The following PTCHD1 variants were observed in gnomAD, a reference collection of about 807,000 sequenced individuals.
PTCHD1 encodes the protein patched domain-containing protein 1.
A neutral mutation model predicts 34.6 loss-of-function variants in PTCHD1; 3 were observed. That is an observed-to-expected ratio of 0.09 (90% CI 0.04 to 0.22). The LOEUF is 0.22. Among genes scored for constraint, PTCHD1 ranks in the 10% least tolerant of loss-of-function variants. The probability of loss-of-function intolerance (pLI) is 1.00; values close to 1 mark genes in which losing one functional copy is unlikely to be tolerated. For missense variants in PTCHD1, 504 were observed against 685.5 expected, an observed-to-expected ratio of 0.74 and a Z score of 2.96; for synonymous variants, 305 against 283.1, an observed-to-expected ratio of 1.08 and a Z score of -0.77.
chrX:23,381,552 TCTC>T (rs1922564229), intron 2 of PTCHD1, among the ~76,000 whole-genome samples: 1 of 111,883 alleles, frequency 8.9e-6, no homozygotes, highest in Non-Finnish European at 1.9e-5. Context: ...CCTCAGGAAA[TCTC>T]CGCTGTGTTG....
intron 2 of PTCHD1, 153 bp downstream of exon 2, chrX:23,380,404 T>C (rs1388977563): frequency 3.6e-6 from 2 of 558,159 alleles, no homozygotes; most frequent in Non-Finnish European, 6.1e-6. Flanking sequence ...AAAGTGCTGG[T>C]AATCAGCAAA....
At chrX:23,336,963 A>G (rs984854065) in intron 1 of PTCHD1, among the ~76,000 whole-genome samples, 1 of 110,943 alleles carries the variant, frequency 9.0e-6, no homozygotes, top group African/African-American at 3.3e-5. Context: ...TGACGTTTCC[A>G]TTGCCTTTCC....
intron 2 of PTCHD1, among the ~76,000 whole-genome samples, chrX:23,380,714 G>A (rs1343094311): frequency 1.8e-5 from 2 of 111,505 alleles, no homozygotes; most frequent in East Asian, 2.8e-4. Flanking sequence ...ACATTCTGCC[G>A]GTTGCTGTGG....
Position 23,393,788 on chromosome X carries a change from T to C in PTCHD1, c.2270T>C (p.Leu757Ser). 1.7e-6 allele frequency: 2 copies of C among 1,211,803 alleles called. No individual in the cohort carries two copies. The highest frequency in any genetic ancestry group is 2.2e-6 in the Non-Finnish European group (2 of 895,288). ...CTGGACTGCATTTCTGTGCTATGCT[T>C]AATTTATGGAATTAATTACACAATT... ...VELDCISVLC[L>S]IYGINYTIDN... is the part of the protein sequence containing the mutation. The change falls in exon 3 of 3, where the codon TTA becomes TCA. Residue 757 changes from leucine to serine, a missense_variant. Transcript: ENST00000379361.
intron 2 of PTCHD1, among the ~76,000 whole-genome samples, chrX:23,380,948 T>A (rs772237028): frequency 1.7e-4 from 19 of 111,772 alleles, no homozygotes; most frequent in Middle Eastern, 9.3e-3. Flanking sequence ...TTTGTAGTTA[T>A]AAGCCTTCAG....
At chrX:23,376,310 G>A (rs1922412671) in intron 1 of PTCHD1, among the ~76,000 whole-genome samples, 1 of 111,938 alleles carries the variant, frequency 8.9e-6, no homozygotes, top group Non-Finnish European at 1.9e-5. Flanking sequence ...TTTTTCCTTC[G>A]TTTTCTTTTC....
intron 1 of PTCHD1, among the ~76,000 whole-genome samples, chrX:23,355,895 G>C (rs1921789095): frequency 8.9e-6 from 1 of 112,488 alleles, no homozygotes; most frequent in Non-Finnish European, 1.9e-5. Context: ...GGCTGGAAAA[G>C]CGTTGCTATA....
Position 23,400,131 on chromosome X carries a change from C to G in PTCHD1, c.*5946C>G, listed in dbSNP as rs1424370340. ...TGGAGAGAATAAGTCTCATTCATCT[C>G]GTTAATATTTTTAGTGGGCAAAGAA... On this transcript the variant is annotated 3_prime_UTR_variant, in exon 3 of 3. Transcript: ENST00000379361. 1 of 111,789 alleles carries G rather than the reference C, an allele frequency of 8.9e-6. No individual in the cohort carries two copies. The highest frequency in any genetic ancestry group is 1.9e-5 in the Non-Finnish European group (1 of 53,249). The allele number at this position is 111,789 out of a possible 1,213,427, so 9.2% of individuals were successfully genotyped here. A position where few individuals can be genotyped will look rare whatever the true frequency, so the allele number is the denominator to read the frequency against.
chrX:23,355,561 T>C (rs1425632771), intron 1 of PTCHD1, among the ~76,000 whole-genome samples: 1 of 112,888 alleles, frequency 8.9e-6, no homozygotes, highest in Non-Finnish European at 1.9e-5. Flanking sequence ...TAGTGTGAGA[T>C]AGAAAACATT....
chrX:23,378,070 G>T (rs145858831), intron 1 of PTCHD1, among the ~76,000 whole-genome samples: 3 of 111,911 alleles, frequency 2.7e-5, no homozygotes, highest in Non-Finnish European at 5.6e-5. Context: ...AGTCGTAGAT[G>T]TACTAGTTTA....
chrX:23,388,746 G>A (rs2146648570), intron 2 of PTCHD1, among the ~76,000 whole-genome samples: 1 of 111,563 alleles, frequency 9.0e-6, no homozygotes, highest in African/African-American at 3.3e-5. Context: ...CAGGGGAATC[G>A]CTGGAACCCG....
chrX:23,335,089 A>T lies in PTCHD1; in HGVS notation c.214A>T (p.Ser72Cys). The T allele has an allele frequency of 8.3e-7, 1 of 1,211,248 alleles. No homozygotes were observed. Among genetic ancestry groups the T allele is most frequent in the Non-Finnish European group, 1.1e-6 (1 of 895,150 alleles). Residue 72 changes from serine to cysteine, a missense_variant, in exon 1 of 3, where the codon AGC becomes TGC. Ser to Cys is a moderately radical substitution (Grantham distance 112). Transcript: ENST00000379361. ...LAKIERNLVN[S>C]LFPVNRSKHR... ...CAAGATCGAGCGCAACCTCGTTAAC[A>T]GCCTCTTCCCGGTCAACCGCTCCAA...
intron 1 of PTCHD1, among the ~76,000 whole-genome samples, chrX:23,350,168 T>C (rs1921591037): frequency 9.2e-6 from 1 of 108,615 alleles, no homozygotes; most frequent in Admixed American, 9.9e-5. Flanking sequence ...ATGCACGTTA[T>C]CATAGTAAAA....
Position 23,360,832 on chromosome X carries a change from C to G in PTCHD1, c.352-18759C>G, listed in dbSNP as rs1159964216. On this transcript the variant is annotated intron_variant, in intron 1 of 2. Transcript: ENST00000379361. ...CACCCTACTTTAAATGTGTCCCAGACATTCTGGTTTGTTGTGTCTTTGTTC... is the reference window on the plus strand; with the variant it reads ...CACCCTACTTTAAATGTGTCCCAGAGATTCTGGTTTGTTGTGTCTTTGTTC... Among the ~76,000 whole-genome samples the G allele has an allele frequency of 8.0e-5, 9 of 112,192 alleles. No homozygotes were observed. The Admixed American group carries it at 8.5e-4, about 11-fold the overall frequency.
intron 1 of PTCHD1, among the ~76,000 whole-genome samples, chrX:23,370,446 C>T (rs765472923): frequency 8.9e-6 from 1 of 112,017 alleles, no homozygotes; most frequent in African/African-American, 3.2e-5. Flanking sequence ...CTGAAATGCT[C>T]CTGTGATTTT....
At chrX:23,338,387 T>C (rs6653677) in intron 1 of PTCHD1, among the ~76,000 whole-genome samples, 40 of 112,509 alleles carry the variant, frequency 3.6e-4, no homozygotes, top group African/African-American at 1.2e-3. Flanking sequence ...CTTTTATAGA[T>C]ACGTTTCGTT....
At chrX:23,370,622 C>T (rs1185247118) in intron 1 of PTCHD1, among the ~76,000 whole-genome samples, 1 of 111,838 alleles carries the variant, frequency 8.9e-6, no homozygotes, top group Admixed American at 9.5e-5. Context: ...TTAGGTGGAA[C>T]TTTCTTCTTA....
At chrX:23,388,933 C>T (rs1436603397) in intron 2 of PTCHD1, among the ~76,000 whole-genome samples, 1 of 112,040 alleles carries the variant, frequency 8.9e-6, no homozygotes, top group Non-Finnish European at 1.9e-5. Context: ...TCTATCTTCT[C>T]TGCCTCTCCT....
intron 1 of PTCHD1, among the ~76,000 whole-genome samples, chrX:23,346,221 G>C (rs1170820956): frequency 1.8e-5 from 2 of 112,201 alleles, no homozygotes; most frequent in Non-Finnish European, 3.8e-5. Context: ...CAGTACTGTG[G>C]TTCTGTTAAA....
Sources: allele counts gnomAD v4.1 joint callset (sites outside exome capture counted in the v4.1 genomes callset), GRCh38; gene constraint gnomAD v4.1.1; transcripts MANE v1.5; gene names NCBI Gene and HGNC (gene_info 2026-07-23, HGNC 2026-07-21).